The following SEMA3A variants were observed in gnomAD, a reference collection of about 807,000 sequenced individuals.
The protein encoded by SEMA3A is semaphorin-3A.
A neutral mutation model predicts 97.9 loss-of-function variants in SEMA3A; 29 were observed. That is an observed-to-expected ratio of 0.30 (90% CI 0.22 to 0.40). The LOEUF is 0.40. SEMA3A is among the 10% of genes least tolerant of loss of function. SEMA3A has a pLI of 1.00. For synonymous variants in SEMA3A, 321 were observed against 323.7 expected (o/e 0.99, Z 0.09); for missense variants, 763 against 951.3 (o/e 0.80, Z 2.60).
intron 3 of SEMA3A, among the ~76,000 whole-genome samples, chr7:84,304,562 A>T (rs1393385452): frequency 6.6e-6 from 1 of 152,088 alleles, no homozygotes; most frequent in African/African-American, 2.4e-5. Flanking sequence ...CAATTTATAA[A>T]GTATTTCAAA....
chr7:84,417,680 T>C (rs1397575843), intron 1 of SEMA3A, among the ~76,000 whole-genome samples: 1 of 152,134 alleles, frequency 6.6e-6, no homozygotes, highest in Admixed American at 6.6e-5. Flanking sequence ...TATATTGCTG[T>C]TAATACTCAG....
intron 1 of SEMA3A, among the ~76,000 whole-genome samples, chr7:84,464,591 A>G (rs917516172): frequency 6.6e-6 from 1 of 152,208 alleles, no homozygotes; most frequent in Non-Finnish European, 1.5e-5. Flanking sequence ...GGAACTTTAA[A>G]TTTCATGGTA....
intron 1 of SEMA3A, among the ~76,000 whole-genome samples, chr7:84,416,466 T>C (rs1804439069): frequency 6.6e-6 from 1 of 152,248 alleles, no homozygotes; most frequent in African/African-American, 2.4e-5. Flanking sequence ...TATATACATG[T>C]AATGTCAACT....
At chr7:84,455,562 A>C (rs997905391) in intron 1 of SEMA3A, among the ~76,000 whole-genome samples, 2 of 151,998 alleles carry the variant, frequency 1.3e-5, no homozygotes, top group Admixed American at 1.3e-4. Context: ...TGAGTTAGTG[A>C]TATCAACAGT....
chr7:84,316,845 T>C (rs987939045), intron 2 of SEMA3A, among the ~76,000 whole-genome samples: 11 of 152,190 alleles, frequency 7.2e-5, no homozygotes, highest in Admixed American at 1.3e-4. Context: ...AACTGCAGGA[T>C]CTGCGGTTTG....
intron 3 of SEMA3A, among the ~76,000 whole-genome samples, chr7:84,234,504 AT>A (rs1319067250): frequency 3.3e-5 from 5 of 152,038 alleles, no homozygotes; most frequent in Non-Finnish European, 7.4e-5. Context: ...TCTTTTGCTC[AT>A]TGATCTAAAT....
chr7:84,011,837 A>C, intron 7 of SEMA3A, among the ~76,000 whole-genome samples: 1 of 152,182 alleles, frequency 6.6e-6, no homozygotes, highest in East Asian at 1.9e-4. Flanking sequence ...TATATTCAAA[A>C]ATCAACATTG....
At chr7:84,389,546 T>A (rs542175533) in intron 1 of SEMA3A, among the ~76,000 whole-genome samples, 2 of 152,222 alleles carry the variant, frequency 1.3e-5, no homozygotes, top group Admixed American at 1.3e-4. Context: ...CACAAATTTC[T>A]AAAGTCTTGG....
In SEMA3A at chr7:83,961,604, T is replaced by A. The variant is rs770867721; in HGVS notation, c.2083A>T (p.Met695Leu). Residue 695 changes from methionine to leucine, a missense_variant, in exon 17 of 17, where the codon ATG (methionine) becomes TTG (leucine). Transcript: ENST00000265362. The stretch of plus-strand genomic sequence containing the variant: ...TACCAGACCTTCTGGCTAGGTGTCA[T>A]GCTATTGGACATTTCTTTGGTCTTA... ...GSKTKEMSNS[M>L]TPSQKVWYRD... 6.8e-6 allele frequency: 11 copies of A among 1,614,014 alleles called. No individual in the cohort carries two copies. The highest frequency in any genetic ancestry group is 1.3e-5 in the African/African-American group (1 of 74,934).
At chr7:84,450,716 G>C (rs1203714730) in intron 1 of SEMA3A, among the ~76,000 whole-genome samples, 1 of 152,062 alleles carries the variant, frequency 6.6e-6, no homozygotes, top group African/African-American at 2.4e-5. Context: ...ATCCTAACAG[G>C]TGTAAAATAT....
At chr7:84,024,278 G>A (rs748744020) in intron 6 of SEMA3A, among the ~76,000 whole-genome samples, 35 of 152,140 alleles carry the variant, frequency 2.3e-4, no homozygotes, top group Non-Finnish European at 4.3e-4. Flanking sequence ...GGTGGCTCAC[G>A]CCTGTAATCC....
At chr7:83,995,162 A>G (rs960903836) in intron 12 of SEMA3A, among the ~76,000 whole-genome samples, 4 of 151,736 alleles carry the variant, frequency 2.6e-5, no homozygotes, top group Non-Finnish European at 4.4e-5. Context: ...GCAATGCCTC[A>G]CCCTGCTTCG....
chr7:84,404,671 G>C (rs1043590201), intron 1 of SEMA3A, among the ~76,000 whole-genome samples: 19 of 152,052 alleles, frequency 1.2e-4, no homozygotes, highest in Non-Finnish European at 2.8e-4. Flanking sequence ...AAAAAGGGAA[G>C]CCCATCAGAC....
At chr7:84,277,189 T>G (rs1438839778) in intron 3 of SEMA3A, among the ~76,000 whole-genome samples, 1 of 152,138 alleles carries the variant, frequency 6.6e-6, no homozygotes, top group African/African-American at 2.4e-5. Context: ...AAAGGCCTTT[T>G]AATCTTTTCC....
chr7:84,348,270 G>C (rs1225196126), intron 2 of SEMA3A, among the ~76,000 whole-genome samples: 1 of 152,108 alleles, frequency 6.6e-6, no homozygotes, highest in Non-Finnish European at 1.5e-5. Flanking sequence ...CATTGTTTAA[G>C]TAGAAATAAT....
chr7:84,209,319 T>C (rs1450971478), intron 3 of SEMA3A, among the ~76,000 whole-genome samples: 1 of 152,186 alleles, frequency 6.6e-6, no homozygotes, highest in Non-Finnish European at 1.5e-5. Context: ...GTGTGTATGT[T>C]TGTGCATGTA....
At chr7:84,450,719 T>TA (rs1805533548) in intron 1 of SEMA3A, among the ~76,000 whole-genome samples, 7 of 152,200 alleles carry the variant, frequency 4.6e-5, no homozygotes, top group Admixed American at 4.6e-4. Context: ...CTAACAGGTG[T>TA]AAAATATCTC....
chr7:83,993,367 C>G (rs1195530553), intron 12 of SEMA3A, among the ~76,000 whole-genome samples: 112 of 150,592 alleles, frequency 7.4e-4, no homozygotes, highest in African/African-American at 2.1e-3. Context: ...TATGATGTTA[C>G]CTGGTTATTT....
chr7:84,444,306 T>A (rs1349427121), intron 1 of SEMA3A, among the ~76,000 whole-genome samples: 3 of 152,146 alleles, frequency 2.0e-5, no homozygotes, highest in African/African-American at 4.8e-5. Flanking sequence ...TAAAAGCTCT[T>A]CTTGTCTCTG....
Sources: gnomAD v4.1 joint callset for allele counts (sites outside exome capture counted in the v4.1 genomes callset) on GRCh38, gnomAD v4.1.1 for gene constraint, MANE v1.5 for transcripts, NCBI Gene and HGNC (gene_info 2026-07-23, HGNC 2026-07-21) for gene names.